Variants in SCN8A observed in about 807,000 individuals in gnomAD.
SCN8A encodes the protein sodium channel protein type 8 subunit alpha.
In SCN8A, 30 loss-of-function variants were observed where a neutral mutation model predicts 184.1. That is an observed-to-expected ratio of 0.16 (90% CI 0.12 to 0.22). The LOEUF is 0.22. SCN8A is among the 10% of genes least tolerant of loss of function. The pLI, the probability that SCN8A is intolerant of heterozygous loss-of-function variation, is 1.00. For missense variants in SCN8A, 1,057 were observed against 2,498.9 expected, an observed-to-expected ratio of 0.42 and a Z score of 12.30; for synonymous variants, 852 against 907.0, an observed-to-expected ratio of 0.94 and a Z score of 1.09.
At chr12:51,737,830 G>A (rs1228091835) in intron 12 of SCN8A, among the ~76,000 whole-genome samples, 1 of 152,168 alleles carries the variant, frequency 6.6e-6, no homozygotes, top group Non-Finnish European at 1.5e-5. Flanking sequence ...ATCTATGACT[G>A]TTAAAGGAAT....
chr12:51,718,920 T>G (rs1204599332), intron 11 of SCN8A, among the ~76,000 whole-genome samples: 1 of 152,142 alleles, frequency 6.6e-6, no homozygotes, highest in East Asian at 1.9e-4. Flanking sequence ...AGGTAACAAA[T>G]CTTTTGGCAA....
At chr12:51,646,533 A>G (rs954515286) in intron 1 of SCN8A, among the ~76,000 whole-genome samples, 1 of 152,228 alleles carries the variant, frequency 6.6e-6, no homozygotes, top group Non-Finnish European at 1.5e-5. Context: ...AAAATGGTAA[A>G]TTGTATATTA....
intron 1 of SCN8A, among the ~76,000 whole-genome samples, chr12:51,610,497 T>C (rs1214133119): frequency 6.6e-6 from 1 of 152,198 alleles, no homozygotes; most frequent in African/African-American, 2.4e-5. Flanking sequence ...CCTGTGTGAT[T>C]TATGCTTTAA....
intron 1 of SCN8A, among the ~76,000 whole-genome samples, chr12:51,635,110 G>A (rs1464030941): frequency 6.6e-6 from 1 of 152,184 alleles, no homozygotes; most frequent in African/African-American, 2.4e-5. Flanking sequence ...GGATCAAACT[G>A]CAGAGAAATA....
intron 1 of SCN8A, among the ~76,000 whole-genome samples, chr12:51,621,489 T>C (rs1939961395): frequency 6.6e-6 from 1 of 152,244 alleles, no homozygotes; most frequent in Non-Finnish European, 1.5e-5. Context: ...GATAGTGGGA[T>C]GGGTATCAGA....
intron 1 of SCN8A, among the ~76,000 whole-genome samples, chr12:51,634,515 A>G (rs980786519): frequency 2.6e-5 from 4 of 152,160 alleles, no homozygotes; most frequent in African/African-American, 7.2e-5. Flanking sequence ...TTTGAATGTT[A>G]TTGGCAAAGG....
At chr12:51,637,901 A>T (rs1165331882) in intron 1 of SCN8A, among the ~76,000 whole-genome samples, 1 of 152,210 alleles carries the variant, frequency 6.6e-6, no homozygotes, top group African/African-American at 2.4e-5. Flanking sequence ...AGGAGAAGTC[A>T]ATTCCTGGCT....
In SCN8A at chr12:51,812,151, C is replaced by A. The variant is rs1236755587; in HGVS notation, c.*4722C>A. ...CCTGAGGCACCCCCTGCCCCTGCCC[C>A]CCACTGCTGTTTGCTGTACATAGAG... On this transcript the variant is annotated 3_prime_UTR_variant, in exon 27 of 27. Coordinates refer to ENST00000627620, the MANE Select transcript of SCN8A (RefSeq NM_001330260.2). 6.6e-6 allele frequency: 1 copy of A among 152,490 alleles called. No homozygotes were observed. The highest frequency in any genetic ancestry group is 1.5e-5 in the Non-Finnish European group (1 of 68,516). 9.4% of individuals were successfully genotyped at this position (152,490 alleles called of 1,614,324 possible).
intron 20 of SCN8A, 55 bp from the exon 21 acceptor site, chr12:51,780,565 CTTTTTTTTTTTTTTTTTTTTTTTTTTTTT>C: frequency 3.4e-6 from 1 of 297,248 alleles, no homozygotes; most frequent in Non-Finnish European, 4.1e-6. Flanking sequence ...TGTTTTCTTT[CTTTTTTTTTTTTTTTTTTTTTTTTTTTTT>C]TTTTTTTTTT....
intron 10 of SCN8A, 26 bp downstream of exon 10, chr12:51,705,649 ACC>A: frequency 6.3e-7 from 1 of 1,591,558 alleles, no homozygotes; most frequent in Non-Finnish European, 8.6e-7. Context: ...TTTGCAATAG[ACC>A]TTCCTGCCAG....
chr12:51,805,140 G>A (rs757160907), intron 26 of SCN8A, among the ~76,000 whole-genome samples: 26 of 152,040 alleles, frequency 1.7e-4, no homozygotes, highest in Admixed American at 4.6e-4. Context: ...AGAAAAACAA[G>A]TAAATGAGGA....
intron 19 of SCN8A, among the ~76,000 whole-genome samples, chr12:51,771,135 G>A (rs982997578): frequency 1.3e-5 from 2 of 152,124 alleles, no homozygotes; most frequent in Admixed American, 6.5e-5. Flanking sequence ...TATTCACATT[G>A]TCCTAAGTGC....
intron 21 of SCN8A, among the ~76,000 whole-genome samples, chr12:51,782,605 C>T (rs1565924336): frequency 6.6e-6 from 1 of 152,196 alleles, no homozygotes; most frequent in Non-Finnish European, 1.5e-5. Context: ...CCCCCCATCC[C>T]CCTACAAAAG....
intron 1 of SCN8A, among the ~76,000 whole-genome samples, chr12:51,644,996 C>T (rs1448966531): frequency 2.0e-5 from 3 of 150,556 alleles, no homozygotes; most frequent in African/African-American, 7.3e-5. Context: ...GGAGCATCTC[C>T]GCCCGGCAGC....
At chr12:51,699,017 G>A (rs1172338747) in intron 6 of SCN8A, among the ~76,000 whole-genome samples, 1 of 152,158 alleles carries the variant, frequency 6.6e-6, no homozygotes, top group Non-Finnish European at 1.5e-5. Context: ...CTGTGAACAA[G>A]GTAGATATAA....
intron 1 of SCN8A, among the ~76,000 whole-genome samples, chr12:51,632,332 T>A (rs1046034400): frequency 6.6e-6 from 1 of 152,228 alleles, no homozygotes; most frequent in Non-Finnish European, 1.5e-5. Context: ...GTTTATAGAA[T>A]AAGTAGTCTT....
chr12:51,690,096 TAAAGG>T (rs1430258974), intron 6 of SCN8A: 4 of 152,174 alleles, frequency 2.6e-5, no homozygotes, highest in Non-Finnish European at 5.9e-5. Context: ...CTTGAAATCT[TAAAGG>T]AAAGATATTT....
chr12:51,807,355 A>AC lies in SCN8A; in HGVS notation c.5869_5870insC (p.Lys1957ThrfsTer41), dbSNP rs867485612. On this transcript the variant is annotated frameshift_variant, in exon 27 of 27. Transcript: ENST00000627620. LOFTEE classifies it high-confidence loss of function. This position sits in a 1 kb window ranked among gnomAD's most constrained non-coding sequence, Gnocchi z 4.5. ...CAGTGTAACTAAACCTGAAAAGGAG[A>AC]AACAGCAGCGGGCAGAGGAAGGAAG... The AC allele has an allele frequency of 3.1e-6, 5 of 1,613,886 alleles. No homozygotes were observed. The highest frequency in any genetic ancestry group is 4.2e-6 in the Non-Finnish European group (5 of 1,179,834).
At position 51,780,675 on chromosome 12, in the gene SCN8A, T is replaced by C; in HGVS notation, c.3846T>C (p.Asn1282=). 6.6e-7 allele frequency: 1 copy of C among 1,526,490 alleles called. No homozygotes were observed. Among genetic ancestry groups the C allele is most frequent in the Non-Finnish European group, 8.8e-7 (1 of 1,135,828 alleles). The allele number at this position is 1,526,490 out of a possible 1,614,324, so 94.6% of individuals were successfully genotyped here. The change falls in exon 21 of 27, where the codon AAT becomes AAC. Residue 1282 remains asparagine (N), a synonymous_variant. Coordinates refer to ENST00000627620, the MANE Select transcript of SCN8A (RefSeq NM_001330260.2). ...VAVSLVSLIA[N]ALGYSELGAI... ...TCTCTTTAGTCAGCCTTATAGCTAA[T>C]GCCCTGGGCTACTCGGAACTAGGTG...
Sources: gnomAD v4.1 joint callset for allele counts (sites outside exome capture counted in the v4.1 genomes callset) on GRCh38, gnomAD v4.1.1 for gene constraint, Gnocchi (gnomAD v3.1) non-coding constraint, MANE v1.5 for transcripts, NCBI Gene and HGNC (gene_info 2026-07-23, HGNC 2026-07-21) for gene names.